The following SLC2A5 variants were observed in gnomAD, a reference collection of about 807,000 sequenced individuals.
SLC2A5 encodes solute carrier family 2, facilitated glucose transporter member 5.
A neutral mutation model predicts 50.3 loss-of-function variants in SLC2A5; 56 were observed. The observed-to-expected ratio is 1.11, with a 90% CI of 0.90 to 1.39. SLC2A5 has a LOEUF of 1.39. Among genes scored for constraint, SLC2A5 ranks in the 40% most tolerant of loss-of-function variants. The probability of loss-of-function intolerance (pLI) is 0.00; values close to 1 mark genes in which losing one functional copy is unlikely to be tolerated. For missense variants in SLC2A5, 566 were observed against 650.1 expected (o/e 0.87, Z 1.41); for synonymous variants, 269 against 281.9 (o/e 0.95, Z 0.46).
At position 9,047,722 on chromosome 1, in the gene SLC2A5, C is replaced by T. The variant is rs372348186; in HGVS notation, c.306G>A (p.Leu102=). Reference sequence around the variant, plus strand: ...CGATAGAAAATATGTTGTTGAACAGCAAGGCCCCTTTTCTGCAGAGGACAA... The same window carrying T: ...CGATAGAAAATATGTTGTTGAACAGTAAGGCCCCTTTTCTGCAGAGGACAA... The part of the protein sequence containing the change: ...LVNKFGRKGA[L]LFNNIFSIVP... Residue 102 remains leucine, a synonymous_variant, in exon 4 of 12, where the codon TTG becomes TTA. Coordinates refer to ENST00000377424, the MANE Select transcript of SLC2A5 (RefSeq NM_003039.3). 1.2e-6 allele frequency: 2 copies of T among 1,613,576 alleles called. No individual in the cohort carries two copies. Among genetic ancestry groups the T allele is most frequent in the Non-Finnish European group, 8.5e-7 (1 of 1,179,804 alleles).
chr1:9,075,201 T>A (rs1642269335), intron 2 of SLC2A5, among the ~76,000 whole-genome samples: 1 of 152,116 alleles, frequency 6.6e-6, no homozygotes, highest in Non-Finnish European at 1.5e-5. Context: ...GAGTTATAGG[T>A]CTGTCTGTGT....
At chr1:9,039,235 C>G (rs1641223469) in intron 8 of SLC2A5, among the ~76,000 whole-genome samples, 1 of 152,236 alleles carries the variant, frequency 6.6e-6, no homozygotes, top group Non-Finnish European at 1.5e-5. Flanking sequence ...AGACGCTGCC[C>G]CCACGGAGCC....
upstream of SLC2A5, among the ~76,000 whole-genome samples, chr1:9,089,793 C>A (rs565008789): frequency 6.6e-6 from 1 of 152,276 alleles, no homozygotes; most frequent in South Asian, 2.1e-4. Flanking sequence ...CGTTTGGGTG[C>A]CACTCATAAT....
At chr1:9,058,014 G>A (rs1221828186) in intron 2 of SLC2A5, 138 bp downstream of exon 2, 16 of 663,188 alleles carry the variant, frequency 2.4e-5, no homozygotes, top group Non-Finnish European at 4.1e-5. Context: ...CCTCGGGTCT[G>A]TGCTGTGTCC....
rs181206488 is a variant in SLC2A5, at chr1:9,076,112, C to T, written c.-58-6518G>A. On this transcript the variant is annotated intron_variant, in intron 2 of 5. Transcript: ENST00000464985. ...CTGGAATTACAGACGCACGCCACTA[C>T]GCCTGGCTAATTTTTGTATTTTTAG... 5.9e-5 allele frequency among the ~76,000 whole-genome samples: 9 copies of T among 151,946 alleles called. No individual in the cohort carries two copies. The East Asian group carries it at 1.2e-3, about 20-fold the overall frequency.
chr1:9,045,625 C>T (rs759706030), intron 4 of SLC2A5, among the ~76,000 whole-genome samples: 5 of 152,030 alleles, frequency 3.3e-5, no homozygotes, highest in African/African-American at 4.8e-5. Context: ...TGGTGGCTCA[C>T]GCCTGTAATC....
intron 4 of SLC2A5, among the ~76,000 whole-genome samples, chr1:9,046,665 CGTGTGT>C (rs55827239): frequency 0.049 from 7,286 of 147,282 alleles, 228 homozygotes; most frequent in East Asian, 0.15. Context: ...ACCTGGTTCT[CGTGTGT>C]GTGTGTGTGT....
intron 1 of SLC2A5, among the ~76,000 whole-genome samples, chr1:9,058,726 T>TTGCACCATCTCAAACA (rs1553170140): frequency 6.6e-6 from 1 of 152,146 alleles, no homozygotes; most frequent in Non-Finnish European, 1.5e-5. Flanking sequence ...AAATGTGCTC[T>TTGCACCATCTCAAACA]TGCACCATCT....
intron 3 of SLC2A5, among the ~76,000 whole-genome samples, chr1:9,052,672 T>G (rs1641608322): frequency 6.6e-6 from 1 of 152,132 alleles, no homozygotes; most frequent in Admixed American, 6.6e-5. Flanking sequence ...ACATGGGAAG[T>G]CTCTATAGCC....
rs1025859634 is a variant in SLC2A5, at chr1:9,063,820, C to T, written c.34-5570G>A. On this transcript the variant is annotated intron_variant, in intron 1 of 11. Transcript: ENST00000377424. The stretch of plus-strand genomic sequence containing the variant: ...ACGCCATTCTCCTGCCTCAGCCTCC[C>T]GAGTAGCTGGGACTACAGGCGCCCG... Among the ~76,000 whole-genome samples, 42 of 141,868 alleles carry T rather than the reference C, an allele frequency of 3.0e-4. 1 individual carries two copies. The highest frequency in any genetic ancestry group is 4.5e-4 in the Non-Finnish European group (30 of 66,208). 93.1% of individuals were successfully genotyped at this position (141,868 alleles called of 152,430 possible).
chr1:9,092,750 G>A (rs1642472317), upstream of SLC2A5, among the ~76,000 whole-genome samples: 1 of 151,946 alleles, frequency 6.6e-6, no homozygotes, highest in Non-Finnish European at 1.5e-5. Flanking sequence ...TCTGATAATG[G>A]TCCTGAATCC....
chr1:9,066,981 A>AT (rs1441650857), intron 1 of SLC2A5, among the ~76,000 whole-genome samples: 1 of 148,138 alleles, frequency 6.8e-6, no homozygotes, highest in African/African-American at 2.5e-5. Flanking sequence ...CTGTCTCAAA[A>AT]TTAAAAAAAA....
At chr1:9,038,094 A>G in intron 10 of SLC2A5, 70 bp from the exon 11 acceptor site, 6 of 1,563,886 alleles carry the variant, frequency 3.8e-6, no homozygotes, top group Non-Finnish European at 5.2e-6. Context: ...GGCCATGCAG[A>G]CCCACCAGGT....
chr1:9,041,429 C>T, intron 5 of SLC2A5: 2 of 1,248,982 alleles, frequency 1.6e-6, no homozygotes, highest in Non-Finnish European at 2.0e-6. Flanking sequence ...GTCCTATGAA[C>T]TGATGCTGGG....
chr1:9,081,665 C>T (rs1311888624), intron 2 of SLC2A5, among the ~76,000 whole-genome samples: 1 of 151,934 alleles, frequency 6.6e-6, no homozygotes, highest in Non-Finnish European at 1.5e-5. Flanking sequence ...ATGCAAATGA[C>T]CAAGAAGCAC....
intron 1 of SLC2A5, among the ~76,000 whole-genome samples, chr1:9,068,556 A>T (rs540096378): frequency 6.7e-6 from 1 of 148,826 alleles, no homozygotes; most frequent in South Asian, 2.1e-4. Flanking sequence ...GGTTCAAGTG[A>T]TTCTCCTGCC....
chr1:9,070,072 G>GTTTTTTTTTTTTTTTTTTTTT (rs56828280), upstream of SLC2A5, among the ~76,000 whole-genome samples: 1 of 62,544 alleles, frequency 1.6e-5, no homozygotes, highest in African/African-American at 8.8e-5. Flanking sequence ...CTCATTTTCT[G>GTTTTTTTTTTTTTTTTTTTTT]TTTTTTTTTT....
intron 2 of SLC2A5, among the ~76,000 whole-genome samples, chr1:9,084,123 G>A (rs1193119417): frequency 3.3e-5 from 5 of 151,572 alleles, no homozygotes; most frequent in Non-Finnish European, 7.4e-5. Flanking sequence ...CAGCCTGGGC[G>A]ACAGCGAGAC....
upstream of SLC2A5, among the ~76,000 whole-genome samples, chr1:9,073,981 A>G (rs6698570): frequency 0.26 from 39,306 of 151,864 alleles, 5,439 homozygotes; most frequent in East Asian, 0.46. Flanking sequence ...TCAGGAGGCT[A>G]AGGCGGGAGA....
Sources: gnomAD v4.1 joint callset for allele counts (sites outside exome capture counted in the v4.1 genomes callset) on GRCh38, gnomAD v4.1.1 for gene constraint, MANE v1.5 for transcripts, NCBI Gene and HGNC (gene_info 2026-07-23, HGNC 2026-07-21) for gene names.